Variants in DDI2 observed in about 807,000 individuals in gnomAD.
The protein encoded by DDI2 is DDI proteasomal shuttling factor 2.
A neutral mutation model predicts 48.1 loss-of-function variants in DDI2; 5 were observed. The ratio of observed to expected loss-of-function variants is 0.10; its 90% CI spans 0.05 to 0.22. DDI2 has a LOEUF of 0.22. DDI2 is among the 10% of genes least tolerant of loss of function. DDI2 has a pLI of 1.00. For missense variants in DDI2, 285 were observed against 506.2 expected (o/e 0.56, Z 4.19); for synonymous variants, 205 against 183.6 (o/e 1.12, Z -0.94).
intron 2 of DDI2, among the ~76,000 whole-genome samples, chr1:15,627,469 G>C (rs547105084): frequency 6.6e-6 from 1 of 152,138 alleles, no homozygotes; most frequent in Non-Finnish European, 1.5e-5. Context: ...ACAAAGAAAC[G>C]TTTATCTATC....
At chr1:15,646,786 A>G (rs952626483) in intron 6 of DDI2, among the ~76,000 whole-genome samples, 2 of 152,160 alleles carry the variant, frequency 1.3e-5, no homozygotes, top group Admixed American at 6.5e-5. Context: ...TCAGTCATTC[A>G]TCTCTAATCA....
rs1049231873 is a variant in DDI2, at chr1:15,652,450, G to C, written c.1183+555G>C. ...TCCCAGCACTTTGGGAGGCTCCGGA[G>C]GGGGGGGGGGGGGGGCGGATCACCT... On this transcript the variant is annotated intron_variant, in intron 8 of 9. Transcript: ENST00000480945. 4.1e-3 allele frequency among the ~76,000 whole-genome samples: 74 copies of C among 18,228 alleles called. 13 individuals carry two copies. Among genetic ancestry groups the C allele is most frequent in the African/African-American group, 0.013 (68 of 5,104 alleles). 12.0% of individuals were successfully genotyped at this position (18,228 alleles called of 152,430 possible). A position where few individuals can be genotyped will look rare whatever the true frequency, so the allele number is the denominator to read the frequency against.
At position 15,660,914 on chromosome 1, in the gene DDI2, G is replaced by A; in HGVS notation, c.*1124G>A. ...TCTGTGGAGTCAGCAGAAGAATCTT[G>A]CCCGTCTATAACGGCAGCCTTGAAA... On this transcript the variant is annotated 3_prime_UTR_variant, in exon 10 of 10. Transcript: ENST00000480945. The A allele has an allele frequency of 6.2e-7, 1 of 1,613,802 alleles. No individual in the cohort carries two copies. Among genetic ancestry groups the A allele is most frequent in the South Asian group, 1.1e-5 (1 of 90,992 alleles).
chr1:15,649,735 AAGG>A lies in DDI2; in HGVS notation c.908_910del (p.Gly303del). 6.2e-7 allele frequency: 1 copy of A among 1,613,186 alleles called. No homozygotes were observed. Among genetic ancestry groups the A allele is most frequent in the Non-Finnish European group, 8.5e-7 (1 of 1,179,616 alleles). ...TGCTTTTTAGCTCAGGTTCAGATTG[AAGG>A]AGATTTTTTGCCATGTTCCTTCTCT... On this transcript the variant is annotated inframe_deletion, in exon 7 of 10. Transcript: ENST00000480945.
chr1:15,624,944 T>C (rs1639729814), intron 1 of DDI2, among the ~76,000 whole-genome samples: 1 of 152,214 alleles, frequency 6.6e-6, no homozygotes, highest in Non-Finnish European at 1.5e-5. Context: ...GACTTAATAG[T>C]ATTTTTTTTC....
intron 2 of DDI2, among the ~76,000 whole-genome samples, chr1:15,628,232 AG>A (rs1029602676): frequency 1.3e-5 from 2 of 152,172 alleles, no homozygotes; most frequent in African/African-American, 4.8e-5. Flanking sequence ...ACCTGCAAAG[AG>A]GGCCCACCCA....
chr1:15,657,615 C>T (rs530264191), intron 9 of DDI2, among the ~76,000 whole-genome samples: 1 of 152,290 alleles, frequency 6.6e-6, no homozygotes, highest in African/African-American at 2.4e-5. Context: ...AGGGTGTGTT[C>T]ACCTTGACCT....
intron 7 of DDI2, among the ~76,000 whole-genome samples, chr1:15,650,645 G>A (rs192748721): frequency 6.6e-6 from 1 of 152,258 alleles, no homozygotes; most frequent in East Asian, 1.9e-4. Context: ...GCTGAGGCAA[G>A]AGGATCCCTT....
intron 8 of DDI2, 197 bp from the exon 9 acceptor site, chr1:15,656,420 G>A (rs1640274640): frequency 7.0e-7 from 1 of 1,429,014 alleles, no homozygotes; most frequent in Non-Finnish European, 9.2e-7. Flanking sequence ...GAAATTAACA[G>A]ATTGCTGTGT....
chr1:15,634,320 T>A (rs1639893202), intron 4 of DDI2: 1 of 152,692 alleles, frequency 6.5e-6, no homozygotes. Flanking sequence ...CAGCTGCTTT[T>A]CCTGCCTCAA....
At chr1:15,645,415 T>A (rs572617660) in intron 6 of DDI2, among the ~76,000 whole-genome samples, 1 of 152,364 alleles carries the variant, frequency 6.6e-6, no homozygotes, top group South Asian at 2.1e-4. Context: ...TAGGATAATC[T>A]CTCCTGGACT....
intron 9 of DDI2, among the ~76,000 whole-genome samples, chr1:15,657,833 C>A (rs1358201320): frequency 1.3e-5 from 2 of 152,156 alleles, no homozygotes; most frequent in Non-Finnish European, 2.9e-5. Context: ...AACTGTGTTT[C>A]TAGACTCTAA....
At position 15,663,823 on chromosome 1, in the gene DDI2, A is replaced by G. The variant is rs1327021368; in HGVS notation, c.*4033A>G. On this transcript the variant is annotated 3_prime_UTR_variant, in exon 10 of 10. Coordinates refer to ENST00000480945, the MANE Select transcript of DDI2 (RefSeq NM_032341.5). ...AGGGTGGGGGAACTTACTGATGACA[A>G]TAGACTCCCTCCTAAAGGGCCTTCC... is the stretch of plus-strand genomic sequence containing the variant. The G allele has an allele frequency of 1.3e-5, 2 of 152,136 alleles. No individual in the cohort carries two copies. The highest frequency in any genetic ancestry group is 4.8e-5 in the African/African-American group (2 of 41,426). The allele number at this position is 152,136 out of a possible 1,614,324, so 9.4% of individuals were successfully genotyped here. A position where few individuals can be genotyped will look rare whatever the true frequency, so the allele number is the denominator to read the frequency against.
chr1:15,627,077 G>T, intron 2 of DDI2: 1 of 374,656 alleles, frequency 2.7e-6, no homozygotes, highest in Non-Finnish European at 4.8e-6. Flanking sequence ...ATAAATGTTA[G>T]CTTCTGTTAT....
chr1:15,662,937 G>A lies in DDI2; in HGVS notation c.*3147G>A, dbSNP rs1640403492. The stretch of plus-strand genomic sequence containing the variant: ...TGTGTTTACCATGTCAAGTTAGAGT[G>A]GGGCATAATATATAGATGTATTTAT... On this transcript the variant is annotated 3_prime_UTR_variant, in exon 10 of 10. Coordinates refer to ENST00000480945, the MANE Select transcript of DDI2 (RefSeq NM_032341.5). 1 of 152,234 alleles carries A rather than the reference G, an allele frequency of 6.6e-6. No individual in the cohort carries two copies. Among genetic ancestry groups the A allele is most frequent in the South Asian group, 2.1e-4 (1 of 4,818 alleles). 9.4% of individuals were successfully genotyped at this position (152,234 alleles called of 1,614,324 possible).
At chr1:15,653,626 A>G (rs1307093028) in intron 8 of DDI2, among the ~76,000 whole-genome samples, 1 of 152,030 alleles carries the variant, frequency 6.6e-6, no homozygotes, top group East Asian at 1.9e-4. Context: ...CTTCCTGACT[A>G]GCTATGACTA....
chr1:15,651,807 A>G lies in DDI2; in HGVS notation c.1095A>G (p.Ala365=). The G allele has an allele frequency of 6.2e-7, 1 of 1,614,082 alleles. No individual in the cohort carries two copies. Among genetic ancestry groups the G allele is most frequent in the African/African-American group, 1.3e-5 (1 of 75,036 alleles). The change falls in exon 8 of 10, where the codon GCA becomes GCG. Residue 365 remains alanine (A), a synonymous_variant. Transcript: ENST00000480945. ...EGELPECARL[A]YGAGREDVRP... is the part of the protein sequence containing the mutation. ...AGCTACCAGAGTGTGCCCGGTTGGCATATGGGGCTGGAAGAGAGGATGTAC... is the reference window on the plus strand; with the variant it reads ...AGCTACCAGAGTGTGCCCGGTTGGCGTATGGGGCTGGAAGAGAGGATGTAC...
intron 6 of DDI2, among the ~76,000 whole-genome samples, chr1:15,647,387 G>C (rs1379575774): frequency 6.6e-6 from 1 of 152,116 alleles, no homozygotes; most frequent in African/African-American, 2.4e-5. Flanking sequence ...AGCTCAAAGT[G>C]ATTCGCCTGC....
At chr1:15,620,787 T>A (rs1122387) in intron 1 of DDI2, among the ~76,000 whole-genome samples, 2 of 151,976 alleles carry the variant, frequency 1.3e-5, no homozygotes, top group Non-Finnish European at 2.9e-5. Context: ...ATATATAATA[T>A]GTTATCTGTA....
Sources: allele counts gnomAD v4.1 joint callset (sites outside exome capture counted in the v4.1 genomes callset), GRCh38; gene constraint gnomAD v4.1.1; transcripts MANE v1.5; gene names NCBI Gene and HGNC (gene_info 2026-07-23, HGNC 2026-07-21).